Variants in PDE4D observed in about 807,000 individuals in gnomAD.
PDE4D encodes the protein phosphodiesterase 4D, also known as 3',5'-cyclic-AMP phosphodiesterase 4D.
A neutral mutation model predicts 87.4 loss-of-function variants in PDE4D; 24 were observed. The observed-to-expected ratio is 0.27, with a 90% CI of 0.20 to 0.39. PDE4D has a LOEUF of 0.39. Among genes scored for constraint, PDE4D ranks in the 10% least tolerant of loss-of-function variants. PDE4D has a pLI of 1.00. For missense variants in PDE4D, 714 were observed against 1,041.0 expected (o/e 0.69, Z 4.32); for synonymous variants, 384 against 383.2 (o/e 1.00, Z -0.02).
chr5:59,606,899 T>A (rs1490401189), intron 1 of PDE4D, among the ~76,000 whole-genome samples: 1 of 152,094 alleles, frequency 6.6e-6, no homozygotes, highest in Non-Finnish European at 1.5e-5. Flanking sequence ...TTTCCCCATA[T>A]TCATCTCTCT....
At chr5:59,113,301 G>A (rs1773007108) in intron 5 of PDE4D, among the ~76,000 whole-genome samples, 1 of 152,174 alleles carries the variant, frequency 6.6e-6, no homozygotes, top group African/African-American at 2.4e-5. Context: ...TTTAGATTCT[G>A]ATATGAGATT....
At chr5:59,059,278 C>G (rs2153410186) in intron 5 of PDE4D, among the ~76,000 whole-genome samples, 1 of 152,146 alleles carries the variant, frequency 6.6e-6, no homozygotes, top group East Asian at 1.9e-4. Flanking sequence ...GCCATGTCTG[C>G]CTTCTGTCAG....
At chr5:60,172,026 G>A (rs1304155402) in intron 2 of PDE4D, among the ~76,000 whole-genome samples, 1 of 149,418 alleles carries the variant, frequency 6.7e-6, no homozygotes, top group Admixed American at 6.7e-5. Flanking sequence ...CCAAAAAATA[G>A]GAATAATAAT....
At chr5:59,663,173 T>A (rs566637519) in intron 1 of PDE4D, among the ~76,000 whole-genome samples, 1 of 152,162 alleles carries the variant, frequency 6.6e-6, no homozygotes, top group African/African-American at 2.4e-5. Flanking sequence ...CTTTGTTTTT[T>A]TTTTCCTTTG....
intron 1 of PDE4D, among the ~76,000 whole-genome samples, chr5:59,796,687 T>C (rs770340414): frequency 6.6e-6 from 1 of 152,250 alleles, no homozygotes; most frequent in Non-Finnish European, 1.5e-5. Flanking sequence ...ACTTGTTTGC[T>C]TTTTCATCTT....
At chr5:59,040,875 G>C (rs1187598689) in intron 5 of PDE4D, among the ~76,000 whole-genome samples, 1 of 152,224 alleles carries the variant, frequency 6.6e-6, no homozygotes, top group Non-Finnish European at 1.5e-5. Context: ...TTCATGGACT[G>C]AATTTAGGCT....
chr5:59,246,870 T>G (rs1241506912), intron 1 of PDE4D, among the ~76,000 whole-genome samples: 1 of 152,188 alleles, frequency 6.6e-6, no homozygotes, highest in Admixed American at 6.6e-5. Flanking sequence ...ACTCTACAAC[T>G]AAATATTTAT....
chr5:59,172,659 G>C (rs1783199109), intron 5 of PDE4D: 1 of 151,580 alleles, frequency 6.6e-6, no homozygotes, highest in South Asian at 2.1e-4. Context: ...AATGAGACAA[G>C]ATCGTACCAC....
chr5:59,804,370 G>C (rs945596251), intron 1 of PDE4D, among the ~76,000 whole-genome samples: 5 of 152,176 alleles, frequency 3.3e-5, no homozygotes, highest in African/African-American at 1.2e-4. Context: ...TTTTATGACT[G>C]AGTAGTAATC....
At chr5:60,075,835 G>T (rs561970067) in intron 2 of PDE4D, among the ~76,000 whole-genome samples, 64 of 152,026 alleles carry the variant, frequency 4.2e-4, no homozygotes, top group African/African-American at 1.5e-3. Context: ...TGAAATTTTT[G>T]TACTGTGTTT....
At chr5:59,653,256 G>A (rs973332449) in intron 1 of PDE4D, among the ~76,000 whole-genome samples, 5 of 146,398 alleles carry the variant, frequency 3.4e-5, no homozygotes, top group Admixed American at 7.1e-5. Flanking sequence ...GCCAAGGCTG[G>A]AGTGCAGTGG....
rs1456273792 is a variant in PDE4D at position 59,004,353 on chromosome 5, TAC to T, written c.922-10890_922-10889del. On this transcript the variant is annotated intron_variant, in intron 6 of 14. Coordinates refer to ENST00000340635, the MANE Select transcript of PDE4D (RefSeq NM_001104631.2). ...AAAATGAGAATAATAGTTTCTACCT[TAC>T]AGGGTTGTTGTGAGGATTAAATTAG... 3.9e-5 allele frequency among the ~76,000 whole-genome samples: 6 copies of T among 152,348 alleles called. No homozygotes were observed. In the East Asian group the frequency reaches 1.2e-3, roughly 29 times the overall value.
At chr5:59,792,752 A>T (rs559565669) in intron 1 of PDE4D, among the ~76,000 whole-genome samples, 1 of 152,314 alleles carries the variant, frequency 6.6e-6, no homozygotes, top group African/African-American at 2.4e-5. Context: ...ATGTAAACTA[A>T]TTGACTGGGG....
intron 1 of PDE4D, among the ~76,000 whole-genome samples, chr5:59,453,537 A>T (rs1300391311): frequency 2.0e-5 from 3 of 152,220 alleles, no homozygotes; most frequent in Non-Finnish European, 4.4e-5. Context: ...AGAAATTGAA[A>T]CAGCCTTGTT....
chr5:60,396,973 G>A (rs754889305), intron 1 of PDE4D, among the ~76,000 whole-genome samples: 3 of 152,090 alleles, frequency 2.0e-5, no homozygotes, highest in Non-Finnish European at 4.4e-5. Context: ...CCCATTTTCC[G>A]GCCTCACAAA....
At chr5:59,046,125 G>T (rs1191802158) in intron 5 of PDE4D, among the ~76,000 whole-genome samples, 2 of 152,132 alleles carry the variant, frequency 1.3e-5, no homozygotes, top group Non-Finnish European at 2.9e-5. Flanking sequence ...TTTCTTTCAC[G>T]AGAGTCTGCC....
chr5:58,975,212 A>G lies in PDE4D; in HGVS notation c.2014-132T>C. The G allele has an allele frequency of 2.0e-6, 1 of 507,252 alleles. No homozygotes were observed. The highest frequency in any genetic ancestry group is 3.1e-5 in the East Asian group (1 of 32,074). 31.4% of individuals were successfully genotyped at this position (507,252 alleles called of 1,614,324 possible). A position where few individuals can be genotyped will look rare whatever the true frequency, so the allele number is the denominator to read the frequency against. ...CTAAACTTAGTTTGGTAAAATTGTC[A>G]CTATTTTCAACAACAACAGACCATT... On this transcript the variant is annotated intron_variant, in intron 14 of 14. Coordinates refer to ENST00000340635, the MANE Select transcript of PDE4D (RefSeq NM_001104631.2). This position sits in a 1 kb window ranked among gnomAD's most constrained non-coding sequence, Gnocchi z 4.2.
chr5:59,895,754 C>G (rs1455486633), upstream of PDE4D, among the ~76,000 whole-genome samples: 1 of 152,214 alleles, frequency 6.6e-6, no homozygotes, highest in Non-Finnish European at 1.5e-5. Context: ...CAAAATACCT[C>G]TATCCGAAAC....
chr5:60,516,460 C>T lies in PDE4D; in HGVS notation n.70+5591G>A, dbSNP rs1750805711. Among the ~76,000 whole-genome samples the T allele has an allele frequency of 1.3e-5, 2 of 152,194 alleles. 1 individual carries two copies. Among genetic ancestry groups the T allele is most frequent in the South Asian group, 4.1e-4 (2 of 4,826 alleles). On this transcript the variant is annotated intron_variant and non_coding_transcript_variant, in intron 1 of 2. Coordinates refer to the PDE4D transcript ENST00000506510. ...AAGAACCACCTTAGCAATTTGCTCTCCCATCTCTCTGGTTCAGGACCACCC... is the reference window on the plus strand; with the variant it reads ...AAGAACCACCTTAGCAATTTGCTCTTCCATCTCTCTGGTTCAGGACCACCC...
Sources: allele counts gnomAD v4.1 joint callset (sites outside exome capture counted in the v4.1 genomes callset), GRCh38; gene constraint gnomAD v4.1.1; non-coding constraint Gnocchi (gnomAD v3.1); transcripts MANE v1.5; gene names NCBI Gene and HGNC (gene_info 2026-07-23, HGNC 2026-07-21).